SEMA3A: variants seen among roughly 807,000 people sequenced by gnomAD.
SEMA3A encodes semaphorin 3A.
A neutral mutation model predicts 97.9 loss-of-function variants in SEMA3A; 29 were observed. The ratio of observed to expected loss-of-function variants is 0.30; its 90% CI spans 0.22 to 0.40. SEMA3A has a LOEUF of 0.40. SEMA3A is among the 10% of genes least tolerant of loss of function. The pLI, the probability that SEMA3A is intolerant of heterozygous loss-of-function variation, is 1.00. For missense variants in SEMA3A, 763 were observed against 951.3 expected (o/e 0.80, Z 2.60); for synonymous variants, 321 against 323.7 (o/e 0.99, Z 0.09).
At chr7:84,081,420 G>A (rs553028396) in intron 4 of SEMA3A, among the ~76,000 whole-genome samples, 6 of 151,864 alleles carry the variant, frequency 4.0e-5, no homozygotes, top group East Asian at 3.9e-4. Flanking sequence ...GTGAAACCCC[G>A]TCTCTACTAA....
intron 1 of SEMA3A, among the ~76,000 whole-genome samples, chr7:84,162,922 G>A (rs1398174037): frequency 4.6e-5 from 7 of 152,238 alleles, no homozygotes; most frequent in Admixed American, 3.3e-4. Flanking sequence ...TAGAAACTTC[G>A]ATAAGTACCT....
intron 1 of SEMA3A, among the ~76,000 whole-genome samples, chr7:84,437,149 T>C (rs936715285): frequency 6.6e-6 from 1 of 152,052 alleles, no homozygotes; most frequent in African/African-American, 2.4e-5. Flanking sequence ...GTTGAGGTGA[T>C]TCTTAAAGGG....
At chr7:84,078,638 C>T (rs988574234) in intron 4 of SEMA3A, among the ~76,000 whole-genome samples, 3 of 151,958 alleles carry the variant, frequency 2.0e-5, no homozygotes, top group Admixed American at 1.3e-4. Context: ...TTAATGGAAA[C>T]GTCAAAGTGA....
chr7:83,961,226 A>G lies in SEMA3A; in HGVS notation c.*145T>C, dbSNP rs370529186. The G allele has an allele frequency of 1.2e-5, 8 of 686,322 alleles. No homozygotes were observed. In the African/African-American group the frequency reaches 1.4e-4, roughly 12 times the overall value. The allele number at this position is 686,322 out of a possible 1,614,324, so 42.5% of individuals were successfully genotyped here. On this transcript the variant is annotated 3_prime_UTR_variant, in exon 17 of 17. Transcript: ENST00000265362. Reference sequence around the variant, plus strand: ...GGAAAGTTACTCATGGATTTAATTTATAATTGGTGGAACTCAGCTGAATTT... The same window carrying G: ...GGAAAGTTACTCATGGATTTAATTTGTAATTGGTGGAACTCAGCTGAATTT...
intron 15 of SEMA3A, among the ~76,000 whole-genome samples, chr7:83,975,891 G>GA (rs1751011169): frequency 6.6e-6 from 1 of 152,122 alleles, no homozygotes; most frequent in South Asian, 2.1e-4. Context: ...TATGCTATTT[G>GA]AAAAAATTTA....
At chr7:84,116,077 T>C (rs758976735) in intron 3 of SEMA3A, among the ~76,000 whole-genome samples, 2 of 152,172 alleles carry the variant, frequency 1.3e-5, no homozygotes, top group Non-Finnish European at 2.9e-5. Context: ...TGAGCCCATA[T>C]TTTAGAGGAA....
chr7:84,424,472 AATATATAATATATTG>A lies in SEMA3A; in HGVS notation c.-245-52587_-245-52573del, dbSNP rs1448088833. Among the ~76,000 whole-genome samples the A allele has an allele frequency of 8.2e-4, 95 of 115,160 alleles. 1 individual carries two copies. In the Middle Eastern group the frequency reaches 0.023, roughly 28 times the overall value. The allele number at this position is 115,160 out of a possible 152,430, so 75.5% of individuals were successfully genotyped here. A position where few individuals can be genotyped will look rare whatever the true frequency, so the allele number is the denominator to read the frequency against. ...AATATAATAATACAATTTAATATACAATATATAATATATTGATATATAATATATAATATATAAATA... is the reference window on the plus strand; with the variant it reads ...AATATAATAATACAATTTAATATACAATATATAATATATAATATATAAATA... On this transcript the variant is annotated intron_variant, in intron 1 of 3. Transcript: ENST00000424555.
At chr7:84,325,293 C>G (rs1801748624) in intron 2 of SEMA3A, among the ~76,000 whole-genome samples, 1 of 152,040 alleles carries the variant, frequency 6.6e-6, no homozygotes, top group Non-Finnish European at 1.5e-5. Flanking sequence ...AGACAATCAA[C>G]TAATCAATCA....
At chr7:84,159,069 C>A (rs1290151284) in intron 1 of SEMA3A, among the ~76,000 whole-genome samples, 1 of 151,610 alleles carries the variant, frequency 6.6e-6, no homozygotes, top group African/African-American at 2.4e-5. Flanking sequence ...CTGATAAATT[C>A]ATGACTTCAC....
At chr7:84,062,734 C>G (rs946250271) in intron 4 of SEMA3A, among the ~76,000 whole-genome samples, 3 of 152,174 alleles carry the variant, frequency 2.0e-5, no homozygotes, top group Admixed American at 6.5e-5. Flanking sequence ...CGGCGCATCA[C>G]GAGATTATAT....
intron 2 of SEMA3A, among the ~76,000 whole-genome samples, chr7:84,359,760 T>A (rs1196089207): frequency 6.6e-6 from 1 of 152,204 alleles, no homozygotes. Flanking sequence ...TGTGAATCCA[T>A]CTGGTTCTGG....
intron 1 of SEMA3A, among the ~76,000 whole-genome samples, chr7:84,374,005 TAA>T (rs1278728084): frequency 2.6e-5 from 4 of 152,118 alleles, no homozygotes; most frequent in Non-Finnish European, 4.4e-5. Flanking sequence ...AGGGCCCAGC[TAA>T]AAGAGTCATT....
At position 84,263,675 on chromosome 7, in the gene SEMA3A, A is replaced by C. The variant is rs191958974; in HGVS notation, c.-83+43532T>G. On this transcript the variant is annotated intron_variant, in intron 3 of 3. Transcript: ENST00000424555. The stretch of plus-strand genomic sequence containing the variant: ...CTGACACCTCTGCCTGTTGCATTTA[A>C]TAGTTATCTCTGAAAATGATGTTCC... Among the ~76,000 whole-genome samples, 6 of 152,288 alleles carry C rather than the reference A, an allele frequency of 3.9e-5. No individual in the cohort carries two copies. The East Asian group carries it at 1.2e-3, about 29-fold the overall frequency.
intron 3 of SEMA3A, among the ~76,000 whole-genome samples, chr7:84,118,106 A>G (rs1284420080): frequency 6.6e-6 from 1 of 152,196 alleles, no homozygotes; most frequent in African/African-American, 2.4e-5. Flanking sequence ...ATAGAGTTTA[A>G]GCCTATACTT....
intron 3 of SEMA3A, among the ~76,000 whole-genome samples, chr7:84,215,385 A>G (rs929472732): frequency 6.6e-6 from 1 of 151,082 alleles, no homozygotes; most frequent in African/African-American, 2.4e-5. Flanking sequence ...ATGGGGTTTC[A>G]CCATATTGGC....
At chr7:84,266,547 T>G (rs937080066) in intron 3 of SEMA3A, among the ~76,000 whole-genome samples, 1 of 151,932 alleles carries the variant, frequency 6.6e-6, no homozygotes, top group Non-Finnish European at 1.5e-5. Context: ...AAAAGACTCA[T>G]GAGTCATCCA....
chr7:84,366,553 T>C (rs1802852736), intron 2 of SEMA3A, among the ~76,000 whole-genome samples: 1 of 151,438 alleles, frequency 6.6e-6, no homozygotes, highest in South Asian at 2.1e-4. Context: ...TCTTGCTAAC[T>C]AATTCTCACT....
chr7:84,489,570 A>G (rs1174002681), intron 1 of SEMA3A, among the ~76,000 whole-genome samples: 1 of 152,126 alleles, frequency 6.6e-6, no homozygotes, highest in Non-Finnish European at 1.5e-5. Flanking sequence ...TCCAACTCAG[A>G]GCAAAAAAAT....
intron 3 of SEMA3A, among the ~76,000 whole-genome samples, chr7:84,271,415 A>G (rs1486379775): frequency 6.6e-6 from 1 of 152,142 alleles, no homozygotes; most frequent in Non-Finnish European, 1.5e-5. Context: ...TAATGGACCA[A>G]CAAAATGAAA....
Sources: allele counts gnomAD v4.1 joint callset (sites outside exome capture counted in the v4.1 genomes callset), GRCh38; gene constraint gnomAD v4.1.1; transcripts MANE v1.5; gene names NCBI Gene and HGNC (gene_info 2026-07-23, HGNC 2026-07-21).